Variants in ATP10D observed in about 807,000 individuals in gnomAD.
ATP10D encodes the protein phospholipid-transporting ATPase VD.
In ATP10D, 89 loss-of-function variants were observed where a neutral mutation model predicts 144.8. The observed-to-expected ratio is 0.61, with a 90% CI of 0.52 to 0.73. The LOEUF (loss-of-function observed/expected upper bound fraction) is 0.73. ATP10D is among the 30% of genes least tolerant of loss of function. The pLI is 0.00. For missense variants in ATP10D, 1,603 were observed against 1,714.8 expected (o/e 0.93, Z 1.15); for synonymous variants, 571 against 615.1 (o/e 0.93, Z 1.06).
intron 19 of ATP10D, among the ~76,000 whole-genome samples, chr4:47,577,501 G>T (rs1450827559): frequency 6.6e-6 from 1 of 151,852 alleles, no homozygotes; most frequent in Non-Finnish European, 1.5e-5. Context: ...TGTGCTGCAG[G>T]TTCTTTATGG....
At chr4:47,572,816 C>A in intron 17 of ATP10D, 56 bp from the exon 18 acceptor site, 1 of 1,609,684 alleles carries the variant, frequency 6.2e-7, no homozygotes. Flanking sequence ...TGTGCTGTGT[C>A]TGTTCTAACA....
At chr4:47,581,937 C>T (rs1328079077) in intron 20 of ATP10D, 23 bp from the exon 21 acceptor site, 2 of 1,585,678 alleles carry the variant, frequency 1.3e-6, no homozygotes, top group Admixed American at 1.7e-5. Context: ...TCTCCAGGAT[C>T]ATCTAATGTC....
At chr4:47,581,378 A>T (rs1486769754) in intron 20 of ATP10D, among the ~76,000 whole-genome samples, 1 of 152,238 alleles carries the variant, frequency 6.6e-6, no homozygotes, top group Non-Finnish European at 1.5e-5. Flanking sequence ...CAGTATTAAG[A>T]ATGAAAAAGA....
rs944389596 is a variant in ATP10D, at chr4:47,500,086, T to C, written c.-37-12418T>C. Among the ~76,000 whole-genome samples, 4 of 152,240 alleles carry C rather than the reference T, an allele frequency of 2.6e-5. No homozygotes were observed. The East Asian group carries it at 7.7e-4, about 29-fold the overall frequency. On this transcript the variant is annotated intron_variant, in intron 1 of 22. Transcript: ENST00000273859. ...GTCTTTGCTGCATATAAGAGGGGTG[T>C]TATTTTACTCATTCATTCTTGGGTT...
intron 18 of ATP10D, among the ~76,000 whole-genome samples, chr4:47,574,152 C>T (rs1302739475): frequency 6.6e-6 from 1 of 152,194 alleles, no homozygotes; most frequent in Admixed American, 6.5e-5. Context: ...CACCTTCTCC[C>T]CTATTGTGGC....
intron 9 of ATP10D, among the ~76,000 whole-genome samples, chr4:47,537,199 A>G (rs1421485328): frequency 3.9e-5 from 6 of 152,168 alleles, no homozygotes; most frequent in Admixed American, 2.6e-4. Flanking sequence ...AGGGATGACA[A>G]TGATACTGTA....
At chr4:47,579,894 G>A (rs1720423737) in intron 19 of ATP10D, among the ~76,000 whole-genome samples, 1 of 152,256 alleles carries the variant, frequency 6.6e-6, no homozygotes, top group Admixed American at 6.5e-5. Context: ...CTGGCAGCAA[G>A]CTGCCTTTTT....
At chr4:47,583,751 A>G (rs1474393626) in intron 21 of ATP10D, among the ~76,000 whole-genome samples, 2 of 148,184 alleles carry the variant, frequency 1.3e-5, no homozygotes, top group Non-Finnish European at 3.0e-5. Flanking sequence ...CATCTGAATA[A>G]CCTGAACAAA....
chr4:47,587,586 A>G (rs1040697142), intron 22 of ATP10D, among the ~76,000 whole-genome samples: 1 of 152,138 alleles, frequency 6.6e-6, no homozygotes, highest in African/African-American at 2.4e-5. Flanking sequence ...ACAGAAATTT[A>G]TTGGCTCACA....
intron 1 of ATP10D, among the ~76,000 whole-genome samples, chr4:47,505,755 G>GA (rs917254803): frequency 4.8e-5 from 7 of 146,768 alleles, no homozygotes; most frequent in Non-Finnish European, 9.0e-5. Context: ...AAAAGAAAAA[G>GA]AAAAAAAGAA....
In ATP10D at chr4:47,536,544, A is replaced by G. The variant is rs1466037390; in HGVS notation, c.1123A>G (p.Thr375Ala). Reference sequence around the variant, plus strand: ...GTTGGCAGGATTTTATATGTTTTGGACCATGATCATTTTGTTACAGGTAAT... The same window carrying G: ...GTTGGCAGGATTTTATATGTTTTGGGCCATGATCATTTTGTTACAGGTAAT... ...PLLAGFYMFW[T>A]MIILLQVLIP... The change falls in exon 8 of 23, where the codon ACC (threonine) becomes GCC (alanine). Residue 375 changes from threonine (T) to alanine (A), a missense_variant. Thr to Ala is a moderately conservative substitution (Grantham distance 58, BLOSUM62 0). Transcript: ENST00000273859. The G allele has an allele frequency of 6.2e-7, 1 of 1,612,876 alleles. No homozygotes were observed. The highest frequency in any genetic ancestry group is 8.5e-7 in the Non-Finnish European group (1 of 1,179,538).
At chr4:47,523,599 G>C (rs1007233967) in intron 4 of ATP10D, among the ~76,000 whole-genome samples, 1 of 152,046 alleles carries the variant, frequency 6.6e-6, no homozygotes, top group Non-Finnish European at 1.5e-5. Context: ...GCTTTTAGAC[G>C]CTTCTCAGTA....
chr4:47,535,477 A>G (rs1456173496), intron 5 of ATP10D, 32 bp from the exon 6 acceptor site: 1 of 1,560,722 alleles, frequency 6.4e-7, no homozygotes, highest in East Asian at 2.3e-5. Flanking sequence ...TTTGCTGTTT[A>G]AAAGTGAATT....
chr4:47,538,143 C>G (rs1717944697), intron 9 of ATP10D, among the ~76,000 whole-genome samples: 1 of 152,120 alleles, frequency 6.6e-6, no homozygotes, highest in Non-Finnish European at 1.5e-5. Flanking sequence ...GTTAGCACTT[C>G]ATTGTCTTAA....
At chr4:47,532,587 G>T (rs900737198) in intron 5 of ATP10D, among the ~76,000 whole-genome samples, 1 of 152,102 alleles carries the variant, frequency 6.6e-6, no homozygotes, top group African/African-American at 2.4e-5. Flanking sequence ...GATTTTCTGT[G>T]GAATTATTTT....
At chr4:47,583,725 G>T (rs921149379) in intron 21 of ATP10D, among the ~76,000 whole-genome samples, 3 of 152,014 alleles carry the variant, frequency 2.0e-5, no homozygotes, top group African/African-American at 7.2e-5. Flanking sequence ...TTGGGTTCAC[G>T]GATTATGAGC....
intron 21 of ATP10D, 114 bp downstream of exon 21, chr4:47,582,178 G>A (rs1720553168): frequency 3.5e-6 from 3 of 845,544 alleles, no homozygotes; most frequent in Non-Finnish European, 5.8e-6. Context: ...ATGAATCTAT[G>A]GGAGAAGGGT....
Position 47,523,214 on chromosome 4 carries a change from C to G in ATP10D, c.688C>G (p.Gln230Glu), listed in dbSNP as rs1309088477. The G allele has an allele frequency of 6.2e-7, 1 of 1,613,422 alleles. No homozygotes were observed. The highest frequency in any genetic ancestry group is 8.5e-7 in the Non-Finnish European group (1 of 1,179,490). ...QRQVVRGYAE[Q>E]DSEVDPEKFS... ...GCAGGTGGTTCGGGGATATGCAGAA[C>G]AGGTAAGTCATATGTTCTCAGTTAG... Residue 230 changes from glutamine to glutamate, a missense_variant and splice_region_variant, in exon 4 of 23, where the codon CAG becomes GAG. Transcript: ENST00000273859.
chr4:47,582,041 C>G lies in ATP10D; in HGVS notation c.3730C>G (p.Leu1244Val). Residue 1244 changes from leucine (L) to valine (V), a missense_variant, in exon 21 of 23, where the codon CTG (leucine) becomes GTG (valine). By Grantham distance (32) the Leu-to-Val change is conservative. Transcript: ENST00000273859. Reference protein sequence around the residue: ...TAALFIVLLHLVIESKSLTWI... With the variant: ...TAALFIVLLHVVIESKSLTWI... The stretch of plus-strand genomic sequence containing the variant: ...CGCTCTGTTCATCGTTCTCCTCCAT[C>G]TGGTCATTGAAAGCAAGAGTTTGGT... The G allele has an allele frequency of 6.2e-7, 1 of 1,613,952 alleles. No homozygotes were observed. The highest frequency in any genetic ancestry group is 1.3e-5 in the African/African-American group (1 of 75,036).
Sources: gnomAD v4.1 joint callset for allele counts (sites outside exome capture counted in the v4.1 genomes callset) on GRCh38, gnomAD v4.1.1 for gene constraint, MANE v1.5 for transcripts, NCBI Gene and HGNC (gene_info 2026-07-23, HGNC 2026-07-21) for gene names.